The following RO60 variants were observed in gnomAD, a reference collection of about 807,000 sequenced individuals.
The protein encoded by RO60 is Ro60, Y RNA binding protein, also known as RNA-binding protein RO60.
A neutral mutation model predicts 55.3 loss-of-function variants in RO60; 20 were observed. That is an observed-to-expected ratio of 0.36 (90% CI 0.25 to 0.53). The LOEUF is 0.53. Ranked by LOEUF, RO60 falls within the 20% of genes least tolerant of loss-of-function variation. The probability of loss-of-function intolerance (pLI) is 0.92; values close to 1 mark genes in which losing one functional copy is unlikely to be tolerated. For missense variants in RO60, 558 were observed against 646.6 expected, an observed-to-expected ratio of 0.86 and a Z score of 1.49; for synonymous variants, 213 against 213.6, an observed-to-expected ratio of 1.00 and a Z score of 0.02.
Position 193,082,723 on chromosome 1 carries a change from A to T in RO60, c.1464+15A>T. 1 of 1,591,292 alleles carries T rather than the reference A, an allele frequency of 6.3e-7. No homozygotes were observed. The highest frequency in any genetic ancestry group is 8.5e-7 in the Non-Finnish European group (1 of 1,170,522). ...AGTATCGAAAGGTAAAACAAATTCT[A>T]ATACGGTTCCTCACCCAAATAATAT... On this transcript the variant is annotated intron_variant, in intron 8 of 8. Coordinates refer to ENST00000400968, the MANE Select transcript of RO60 (RefSeq NM_001173524.2).
chr1:193,067,126 T>C (rs1403387650), intron 1 of RO60, among the ~76,000 whole-genome samples: 1 of 151,564 alleles, frequency 6.6e-6, no homozygotes, highest in Non-Finnish European at 1.5e-5. Context: ...TGTGATTCTA[T>C]CCCCACAAAT....
At chr1:193,083,844 C>G (rs1314151392) in intron 8 of RO60, among the ~76,000 whole-genome samples, 1 of 152,050 alleles carries the variant, frequency 6.6e-6, no homozygotes, top group Non-Finnish European at 1.5e-5. Flanking sequence ...TTCTGGCCTC[C>G]CAAAGCACTG....
In RO60 at chr1:193,085,429, G is replaced by A; in HGVS notation, c.*698G>A. 5 of 984,986 alleles carry A rather than the reference G, an allele frequency of 5.1e-6. No homozygotes were observed. In the South Asian group the frequency reaches 2.3e-4, roughly 46 times the overall value. 61.0% of individuals were successfully genotyped at this position (984,986 alleles called of 1,614,324 possible). ...TAGACTAAGTTTGTGTTGGCTGAGG[G>A]ATTCTATTTGGTTTGCTTTTTTTTT... On this transcript the variant is annotated 3_prime_UTR_variant, in exon 9 of 9. Transcript: ENST00000400968.
At chr1:193,073,982 G>A (rs1281261928) in intron 2 of RO60, among the ~76,000 whole-genome samples, 2 of 148,714 alleles carry the variant, frequency 1.3e-5, no homozygotes, top group Non-Finnish European at 2.9e-5. Flanking sequence ...GTGAGAACAT[G>A]CAGTGTTTCG....
At chr1:193,075,164 AG>A (rs1363790442) in intron 2 of RO60, among the ~76,000 whole-genome samples, 4 of 152,294 alleles carry the variant, frequency 2.6e-5, no homozygotes, top group Non-Finnish European at 4.4e-5. Context: ...ACTAAGACCT[AG>A]AAAGACCACC....
intron 5 of RO60, among the ~76,000 whole-genome samples, chr1:193,080,594 A>G (rs1270440131): frequency 6.6e-6 from 1 of 152,234 alleles, no homozygotes; most frequent in Non-Finnish European, 1.5e-5. Flanking sequence ...GTATATAGAA[A>G]TACAACTGAT....
chr1:193,070,896 CAT>C (rs1328750394), intron 2 of RO60, among the ~76,000 whole-genome samples: 12 of 151,998 alleles, frequency 7.9e-5, no homozygotes, highest in Non-Finnish European at 1.6e-4. Context: ...TATTAGATTA[CAT>C]GTTTTAAAAT....
intron 2 of RO60, among the ~76,000 whole-genome samples, chr1:193,075,445 A>G (rs773409438): frequency 6.6e-6 from 1 of 151,652 alleles, no homozygotes; most frequent in African/African-American, 2.4e-5. Context: ...TTAATATAAT[A>G]TAATACATTA....
Position 193,069,307 on chromosome 1 carries a change from A to G in RO60, c.253A>G (p.Arg85Gly), listed in dbSNP as rs1673324005. 1 of 1,614,262 alleles carries G rather than the reference A, an allele frequency of 6.2e-7. No homozygotes were observed. The highest frequency in any genetic ancestry group is 8.5e-7 in the Non-Finnish European group (1 of 1,180,044). ...AATAAAGTCATTTAGTCAAGAAGGC[A>G]GAACCACAAAGCAAGAGCCTATGCT... ...QEIKSFSQEG[R>G]TTKQEPMLFA... The change falls in exon 2 of 9, where the codon AGA becomes GGA. Residue 85 changes from arginine (R) to glycine (G), a missense_variant. Arg to Gly is a moderately radical substitution (Grantham distance 125, BLOSUM62 -2). Transcript: ENST00000400968.
chr1:193,063,707 T>G (rs1484053982), intron 1 of RO60, among the ~76,000 whole-genome samples: 1 of 152,164 alleles, frequency 6.6e-6, no homozygotes, highest in African/African-American at 2.4e-5. Flanking sequence ...TCCCACAAAT[T>G]AAAGGACAAG....
intron 2 of RO60, among the ~76,000 whole-genome samples, chr1:193,075,071 G>A (rs1673811052): frequency 6.6e-6 from 1 of 152,020 alleles, no homozygotes; most frequent in Non-Finnish European, 1.5e-5. Flanking sequence ...TCACCGTGGT[G>A]GTTTTATTTA....
Position 193,077,049 on chromosome 1 carries a change from A to C in RO60, c.1085A>C (p.Lys362Thr). 1 of 1,605,652 alleles carries C rather than the reference A, an allele frequency of 6.2e-7. No homozygotes were observed. The highest frequency in any genetic ancestry group is 8.5e-7 in the Non-Finnish European group (1 of 1,175,032). Residue 362 changes from lysine to threonine, a missense_variant and splice_region_variant, in exon 5 of 9, where the codon AAG (lysine) becomes ACG (threonine). Transcript: ENST00000400968. Reference sequence around the variant, plus strand: ...GATGCTGCTTTTTATAAAACATTTAAGGTAGTGATATGATTTTTGTTTTAA... The same window carrying C: ...GATGCTGCTTTTTATAAAACATTTACGGTAGTGATATGATTTTTGTTTTAA... ...ALDAAFYKTF[K>T]TVEPTGKRFL...
chr1:193,091,570 A>G, downstream of RO60: 4 of 1,155,676 alleles, frequency 3.5e-6, no homozygotes, highest in Non-Finnish European at 5.1e-6. Flanking sequence ...TAGAGAATGA[A>G]TGAATATATT....
chr1:193,068,995 T>G, intron 1 of RO60, 39 bp from the exon 2 acceptor site: 1 of 1,326,856 alleles, frequency 7.5e-7, no homozygotes, highest in Non-Finnish European at 1.0e-6. Context: ...AATTTTATTG[T>G]GCCCATCTAG....
In RO60 at chr1:193,085,440, G is replaced by T. The variant is rs1674583163; in HGVS notation, c.*709G>T. 3 of 982,066 alleles carry T rather than the reference G, an allele frequency of 3.1e-6. No individual in the cohort carries two copies. Among genetic ancestry groups the T allele is most frequent in the Admixed American group, 1.2e-4 (2 of 16,012 alleles). The allele number at this position is 982,066 out of a possible 1,614,324, so 60.8% of individuals were successfully genotyped here. On this transcript the variant is annotated 3_prime_UTR_variant, in exon 9 of 9. Coordinates refer to ENST00000400968, the MANE Select transcript of RO60 (RefSeq NM_001173524.2). Reference sequence around the variant, plus strand: ...TGTGTTGGCTGAGGGATTCTATTTGGTTTGCTTTTTTTTTTTTGCTTTGTT... The same window carrying T: ...TGTGTTGGCTGAGGGATTCTATTTGTTTTGCTTTTTTTTTTTTGCTTTGTT...
In RO60 at chr1:193,084,574, T is replaced by C. The variant is rs755131230; in HGVS notation, c.1465-5T>C. ...TTTAATATGTATTTTGGTCTTTTTC[T>C]ACAGAAAATGGATATTCCAGCTAAA... On this transcript the variant is annotated splice_region_variant and splice_polypyrimidine_tract_variant and intron_variant, in intron 8 of 8. Coordinates refer to ENST00000400968, the MANE Select transcript of RO60 (RefSeq NM_001173524.2). 1.3e-5 allele frequency: 21 copies of C among 1,606,198 alleles called. No homozygotes were observed. Among genetic ancestry groups the C allele is most frequent in the Non-Finnish European group, 1.8e-5 (21 of 1,177,548 alleles).
At chr1:193,082,482 G>C in intron 7 of RO60, 80 bp from the exon 8 acceptor site, 3 of 1,515,972 alleles carry the variant, frequency 2.0e-6, no homozygotes, top group Non-Finnish European at 2.7e-6. Flanking sequence ...ATATATTGGT[G>C]CTAAACAAAA....
chr1:193,070,024 T>G (rs1673373690), intron 2 of RO60, among the ~76,000 whole-genome samples: 1 of 152,014 alleles, frequency 6.6e-6, no homozygotes, highest in Non-Finnish European at 1.5e-5. Context: ...CAGTTACTCA[T>G]CAGATATTCA....
rs539456977 is a variant in RO60 at position 193,086,865 on chromosome 1, C to T, written c.*2134C>T. ...CAGAAGGTAACTTTTCAAATCATGGCATATTTGAGCTGGAAGAAACCTTAG... is the reference window on the plus strand; with the variant it reads ...CAGAAGGTAACTTTTCAAATCATGGTATATTTGAGCTGGAAGAAACCTTAG... On this transcript the variant is annotated 3_prime_UTR_variant, in exon 9 of 9. Coordinates refer to ENST00000400968, the MANE Select transcript of RO60 (RefSeq NM_001173524.2). 3 of 152,148 alleles carry T rather than the reference C, an allele frequency of 2.0e-5. No homozygotes were observed. The East Asian group carries it at 5.8e-4, about 29-fold the overall frequency. 9.4% of individuals were successfully genotyped at this position (152,148 alleles called of 1,614,324 possible).
Sources: allele counts gnomAD v4.1 joint callset (sites outside exome capture counted in the v4.1 genomes callset), GRCh38; gene constraint gnomAD v4.1.1; transcripts MANE v1.5; gene names NCBI Gene and HGNC (gene_info 2026-07-23, HGNC 2026-07-21).